The following UBE2W variants were observed in gnomAD, a reference collection of about 807,000 sequenced individuals.
The protein encoded by UBE2W is ubiquitin-conjugating enzyme E2 W.
UBE2W carries 18 observed loss-of-function variants against 27.2 expected under a neutral mutation model. The ratio of observed to expected loss-of-function variants is 0.66; its 90% CI spans 0.46 to 0.98. The LOEUF is 0.98. Among genes scored for constraint, UBE2W ranks in the 50% least tolerant of loss-of-function variants. The probability of loss-of-function intolerance (pLI) is 0.00; values close to 1 mark genes in which losing one functional copy is unlikely to be tolerated. For missense variants in UBE2W, 90 were observed against 180.2 expected (o/e 0.50, Z 2.87); for synonymous variants, 53 against 57.2 (o/e 0.93, Z 0.33).
intron 1 of UBE2W, 55 bp from the exon 2 acceptor site, chr8:73,830,527 C>A: frequency 6.9e-7 from 1 of 1,453,490 alleles, no homozygotes; most frequent in South Asian, 1.1e-5. Context: ...TCTGGGTCAC[C>A]CAGGTTGGAG....
chr8:73,796,872 A>AC (rs1353960324), intron 5 of UBE2W, among the ~76,000 whole-genome samples: 2 of 139,240 alleles, frequency 1.4e-5, no homozygotes, highest in South Asian at 4.9e-4. Context: ...GGACAAACTC[A>AC]CCCCCCAACC....
At chr8:73,860,475 T>C (rs1055733041) in intron 1 of UBE2W, among the ~76,000 whole-genome samples, 1 of 152,170 alleles carries the variant, frequency 6.6e-6, no homozygotes, top group Non-Finnish European at 1.5e-5. Context: ...TGAGTGATGA[T>C]GCCAGTAAGC....
Position 73,787,199 on chromosome 8 carries a change from A to C in UBE2W, c.*6903T>G. On this transcript the variant is annotated 3_prime_UTR_variant, in exon 6 of 6. Transcript: ENST00000602593. ...GGTTGAAAGGGGCTCCCAACAGGACAGATAACCACAGTGGCTTTGAGCTTT... is the reference window on the plus strand; with the variant it reads ...GGTTGAAAGGGGCTCCCAACAGGACCGATAACCACAGTGGCTTTGAGCTTT... 1 of 985,486 alleles carries C rather than the reference A, an allele frequency of 1.0e-6. No individual in the cohort carries two copies. The highest frequency in any genetic ancestry group is 1.2e-6 in the Non-Finnish European group (1 of 829,938). 61.0% of individuals were successfully genotyped at this position (985,486 alleles called of 1,614,324 possible). A position where few individuals can be genotyped will look rare whatever the true frequency, so the allele number is the denominator to read the frequency against.
chr8:73,803,789 C>T (rs111586123), intron 5 of UBE2W, among the ~76,000 whole-genome samples: 4,624 of 144,414 alleles, frequency 0.032, 225 homozygotes, highest in African/African-American at 0.11. Flanking sequence ...TTTTTTGAGA[C>T]GGAGGCTTGC....
chr8:73,815,774 A>C (rs1262358081), intron 3 of UBE2W, among the ~76,000 whole-genome samples: 2 of 152,220 alleles, frequency 1.3e-5, no homozygotes, highest in African/African-American at 4.8e-5. Context: ...AGCAGTAAAA[A>C]ACAGAATATA....
chr8:73,846,975 C>T (rs1810833092), intron 1 of UBE2W, among the ~76,000 whole-genome samples: 1 of 152,086 alleles, frequency 6.6e-6, no homozygotes, highest in African/African-American at 2.4e-5. Context: ...GAGATTGAGA[C>T]CATACCGGCT....
At chr8:73,812,875 C>T (rs7813860) in intron 3 of UBE2W, among the ~76,000 whole-genome samples, 3,661 of 151,542 alleles carry the variant, frequency 0.024, 155 homozygotes, top group African/African-American at 0.084. Context: ...AGCGGTGGCA[C>T]GTGCCTGTCA....
At chr8:73,804,492 AT>A (rs1808785495) in intron 5 of UBE2W, among the ~76,000 whole-genome samples, 1 of 152,124 alleles carries the variant, frequency 6.6e-6, no homozygotes. Context: ...ATCCCAACAA[AT>A]ACAATAGAAA....
At chr8:73,867,914 C>T (rs6472803) in intron 1 of UBE2W, among the ~76,000 whole-genome samples, 17,418 of 152,014 alleles carry the variant, frequency 0.11, 3,212 homozygotes, top group African/African-American at 0.39. Context: ...AACATAGAAA[C>T]TGGAGTTCTT....
At chr8:73,805,482 T>TAAAAAAAAAAAAAAAAAAAAAA (rs1808863198) in intron 5 of UBE2W, among the ~76,000 whole-genome samples, 169 bp downstream of exon 5, 1 of 17,784 alleles carries the variant, frequency 5.6e-5, no homozygotes, top group Non-Finnish European at 1.4e-4. Flanking sequence ...CAAAAAAAAC[T>TAAAAAAAAAAAAAAAAAAAAAA]AGGGTAATTC....
intron 3 of UBE2W, 43 bp from the exon 4 acceptor site, chr8:73,810,672 C>T (rs565280962): frequency 4.9e-6 from 7 of 1,429,178 alleles, no homozygotes; most frequent in Non-Finnish European, 5.6e-6. Context: ...ATATTCTCTA[C>T]TACCAAAAAC....
At chr8:73,824,582 C>T (rs978326291) in intron 3 of UBE2W, among the ~76,000 whole-genome samples, 5 of 152,086 alleles carry the variant, frequency 3.3e-5, no homozygotes, top group Admixed American at 1.3e-4. Flanking sequence ...CACAAGGGAC[C>T]GGTGTGATGG....
chr8:73,866,282 AAAAAAAAAATAT>A (rs1454213506), intron 1 of UBE2W, among the ~76,000 whole-genome samples: 1 of 100,416 alleles, frequency 1.0e-5, no homozygotes, highest in African/African-American at 3.8e-5. Flanking sequence ...AAAAAAAAAA[AAAAAAAAAATAT>A]ATATATATAT....
intron 1 of UBE2W, among the ~76,000 whole-genome samples, chr8:73,861,243 C>T (rs1029042108): frequency 7.9e-5 from 12 of 152,046 alleles, no homozygotes; most frequent in Admixed American, 7.9e-4. Flanking sequence ...TCCATAAGGA[C>T]AAGAGAGATA....
intron 1 of UBE2W, among the ~76,000 whole-genome samples, chr8:73,871,994 G>C (rs139889221): frequency 6.6e-6 from 1 of 152,010 alleles, no homozygotes; most frequent in Non-Finnish European, 1.5e-5. Context: ...CCTGAGCTCA[G>C]GTGATCCTCC....
chr8:73,857,363 G>C (rs918805787), intron 1 of UBE2W, among the ~76,000 whole-genome samples: 22 of 152,092 alleles, frequency 1.4e-4, no homozygotes, highest in African/African-American at 4.8e-4. Flanking sequence ...CTCATACATA[G>C]AGAACTGACC....
At chr8:73,874,634 C>T (rs1005265125) in intron 1 of UBE2W, among the ~76,000 whole-genome samples, 5 of 152,140 alleles carry the variant, frequency 3.3e-5, no homozygotes, top group African/African-American at 7.2e-5. Context: ...GTCCCTAAAA[C>T]GCTAAAACTA....
chr8:73,858,979 CGTGT>C (rs59095956), intron 1 of UBE2W, among the ~76,000 whole-genome samples: 23,100 of 125,798 alleles, frequency 0.18, 1,937 homozygotes, highest in Middle Eastern at 0.27. Flanking sequence ...GGGGTTTTTG[CGTGT>C]GTGTGTGTGT....
intron 1 of UBE2W, among the ~76,000 whole-genome samples, chr8:73,834,765 T>C (rs1271523585): frequency 2.0e-5 from 3 of 151,958 alleles, no homozygotes; most frequent in Non-Finnish European, 2.9e-5. Flanking sequence ...AAAAATTAGC[T>C]AGGAGTGGTG....
Sources: gnomAD v4.1 joint callset for allele counts (sites outside exome capture counted in the v4.1 genomes callset) on GRCh38, gnomAD v4.1.1 for gene constraint, MANE v1.5 for transcripts, NCBI Gene and HGNC (gene_info 2026-07-23, HGNC 2026-07-21) for gene names.